Variants in GDPD4 observed in about 807,000 individuals in gnomAD.
GDPD4 encodes glycerophosphodiester phosphodiesterase domain containing 4.
GDPD4 carries 60 observed loss-of-function variants against 67.8 expected under a neutral mutation model. The observed-to-expected ratio is 0.88, with a 90% CI of 0.72 to 1.10. The LOEUF (loss-of-function observed/expected upper bound fraction) is 1.10. Ranked by LOEUF, GDPD4 falls within the 50% of genes least tolerant of loss-of-function variation. The pLI is 0.00. For missense variants in GDPD4, 623 were observed against 613.9 expected (o/e 1.01, Z -0.16); for synonymous variants, 212 against 210.9 (o/e 1.00, Z -0.04).
intron 10 of GDPD4, among the ~76,000 whole-genome samples, chr11:77,264,304 T>G (rs532153877): frequency 6.6e-6 from 1 of 152,314 alleles, no homozygotes; most frequent in African/African-American, 2.4e-5. Context: ...ATAAACGTGT[T>G]TCACATTTAA....
chr11:77,290,338 A>T (rs1937730945), intron 1 of GDPD4, among the ~76,000 whole-genome samples: 1 of 152,234 alleles, frequency 6.6e-6, no homozygotes, highest in South Asian at 2.1e-4. Flanking sequence ...CACATAAAAC[A>T]TTCTCCAGGA....
At chr11:77,227,797 G>A in intron 16 of GDPD4, 67 bp downstream of exon 16, 1 of 1,164,510 alleles carries the variant, frequency 8.6e-7, no homozygotes, top group South Asian at 1.2e-5. Flanking sequence ...ATGAAAAGCT[G>A]CCTCTGTCTC....
At chr11:77,283,969 C>A (rs562895201) in intron 3 of GDPD4, among the ~76,000 whole-genome samples, 1 of 151,702 alleles carries the variant, frequency 6.6e-6, no homozygotes, top group African/African-American at 2.4e-5. Flanking sequence ...GATCCTCCCA[C>A]CTCAGCCTTC....
At chr11:77,227,410 A>G (rs567460817) in intron 16 of GDPD4, among the ~76,000 whole-genome samples, 1 of 152,186 alleles carries the variant, frequency 6.6e-6, no homozygotes, top group Admixed American at 6.5e-5. Flanking sequence ...CATGGCAGCT[A>G]CTCTGTCCTG....
chr11:77,278,187 A>G (rs1015153651), intron 4 of GDPD4, among the ~76,000 whole-genome samples: 16 of 152,054 alleles, frequency 1.1e-4, no homozygotes, highest in African/African-American at 3.4e-4. Context: ...CGATCTCCTG[A>G]CCTTATGATC....
At chr11:77,225,754 T>A (rs1958321219) in intron 16 of GDPD4, among the ~76,000 whole-genome samples, 1 of 152,116 alleles carries the variant, frequency 6.6e-6, no homozygotes, top group Non-Finnish European at 1.5e-5. Flanking sequence ...ATGGCATCAG[T>A]AGGTGCAGCA....
intron 11 of GDPD4, among the ~76,000 whole-genome samples, chr11:77,246,408 A>C (rs190218431): frequency 1.7e-4 from 26 of 152,380 alleles, no homozygotes; most frequent in Non-Finnish European, 3.1e-4. Context: ...TGTATGTAAA[A>C]ATAGCTAAGC....
chr11:77,225,524 C>A (rs932556946), intron 16 of GDPD4, among the ~76,000 whole-genome samples: 1 of 152,082 alleles, frequency 6.6e-6, no homozygotes, highest in African/African-American at 2.4e-5. Flanking sequence ...TGCACGCACA[C>A]GCACGAAGTT....
At chr11:77,273,177 C>G (rs1436011536) in intron 5 of GDPD4, among the ~76,000 whole-genome samples, 1 of 152,076 alleles carries the variant, frequency 6.6e-6, no homozygotes, top group African/African-American at 2.4e-5. Context: ...TGGGTTGATG[C>G]CATTTGCTTC....
chr11:77,248,066 A>G (rs1185713683), intron 11 of GDPD4, among the ~76,000 whole-genome samples: 2 of 151,402 alleles, frequency 1.3e-5, no homozygotes, highest in African/African-American at 2.4e-5. Context: ...AAAAAAAAAA[A>G]AAAAAGAAAA....
At chr11:77,239,601 T>C (rs1181575576) in intron 13 of GDPD4, among the ~76,000 whole-genome samples, 1 of 152,004 alleles carries the variant, frequency 6.6e-6, no homozygotes, top group African/African-American at 2.4e-5. Flanking sequence ...GCAACAAAAA[T>C]AGAATTCTTA....
At chr11:77,230,009 T>G (rs1032451404) in intron 14 of GDPD4, among the ~76,000 whole-genome samples, 12 of 152,186 alleles carry the variant, frequency 7.9e-5, no homozygotes, top group African/African-American at 2.7e-4. Flanking sequence ...TTCCTTGAGC[T>G]GAATAATAAA....
chr11:77,279,819 C>T (rs1402389271), intron 3 of GDPD4, among the ~76,000 whole-genome samples: 4 of 144,618 alleles, frequency 2.8e-5, no homozygotes, highest in Non-Finnish European at 4.7e-5. Flanking sequence ...ATCACAGCCA[C>T]CATATTAAAA....
At chr11:77,273,940 A>G (rs182653457) in intron 5 of GDPD4, among the ~76,000 whole-genome samples, 1 of 152,184 alleles carries the variant, frequency 6.6e-6, no homozygotes, top group Admixed American at 6.5e-5. Flanking sequence ...GCCTGAAAAA[A>G]GGTGAGAGAT....
In GDPD4 at chr11:77,258,480, TC is replaced by T. The variant is rs1565527510; in HGVS notation, c.769del (p.Glu257LysfsTer22). 2 of 1,614,036 alleles carry T rather than the reference TC, an allele frequency of 1.2e-6. No homozygotes were observed. The highest frequency in any genetic ancestry group is 2.2e-5 in the South Asian group (2 of 91,078). ...CTCGCAGGCAGATTCTGGCTGAACTTCCCCAATATTGGTTGTTCTTTTCAGG... is the reference window on the plus strand; with the variant it reads ...CTCGCAGGCAGATTCTGGCTGAACTTCCCAATATTGGTTGTTCTTTTCAGG... ...FDLKRTTNIG[E>X]VQPESACENP... is the part of the protein sequence containing the mutation. On this transcript the variant is annotated frameshift_variant, in exon 11 of 17. Transcript: ENST00000315938. LOFTEE classifies it high-confidence loss of function.
At chr11:77,275,953 C>T (rs1052418726) in intron 5 of GDPD4, among the ~76,000 whole-genome samples, 5 of 152,098 alleles carry the variant, frequency 3.3e-5, no homozygotes, top group African/African-American at 7.2e-5. Flanking sequence ...GGGTTCAGCT[C>T]GGGTTCAGCT....
intron 13 of GDPD4, among the ~76,000 whole-genome samples, chr11:77,238,104 A>G (rs1208626768): frequency 6.6e-6 from 1 of 152,174 alleles, no homozygotes; most frequent in East Asian, 1.9e-4. Flanking sequence ...TAAAGGTGCA[A>G]TAGGAAAAAG....
intron 8 of GDPD4, 78 bp downstream of exon 8, chr11:77,269,805 G>A (rs2135871646): frequency 1.3e-6 from 1 of 751,306 alleles, no homozygotes; most frequent in Non-Finnish European, 2.3e-6. Context: ...TAGACCTCTG[G>A]GAATTTTACC....
At chr11:77,298,823 G>A (rs1938066483) in intron 1 of GDPD4, among the ~76,000 whole-genome samples, 1 of 151,924 alleles carries the variant, frequency 6.6e-6, no homozygotes, top group Non-Finnish European at 1.5e-5. Flanking sequence ...CATATTTTGG[G>A]GTAAAATATT....
Sources: allele counts gnomAD v4.1 joint callset (sites outside exome capture counted in the v4.1 genomes callset), GRCh38; gene constraint gnomAD v4.1.1; transcripts MANE v1.5; gene names NCBI Gene and HGNC (gene_info 2026-07-23, HGNC 2026-07-21).